Variants in KCNQ5 observed in about 807,000 individuals in gnomAD.
KCNQ5 encodes the protein potassium voltage-gated channel subfamily Q member 5, also known as potassium voltage-gated channel subfamily KQT member 5.
KCNQ5 carries 30 observed loss-of-function variants against 98.2 expected under a neutral mutation model. The observed-to-expected ratio is 0.31, with a 90% CI of 0.23 to 0.41. The LOEUF (loss-of-function observed/expected upper bound fraction) is 0.41, where lower values mean the gene tolerates loss of function less well. Ranked by LOEUF, KCNQ5 falls within the 10% of genes least tolerant of loss-of-function variation. The pLI is 1.00. For missense variants in KCNQ5, 835 were observed against 1,182.5 expected, an observed-to-expected ratio of 0.71 and a Z score of 4.31; for synonymous variants, 458 against 449.4, an observed-to-expected ratio of 1.02 and a Z score of -0.24.
At chr6:72,756,587 T>C (rs1771982666) in intron 1 of KCNQ5, among the ~76,000 whole-genome samples, 1 of 152,186 alleles carries the variant, frequency 6.6e-6, no homozygotes, top group East Asian at 1.9e-4. Context: ...AAAGGGTCTA[T>C]TTCTACATAA....
In KCNQ5 at chr6:73,161,070, G is replaced by A. The variant is rs117829803; in HGVS notation, c.1469-8676G>A. Among the ~76,000 whole-genome samples, 7 of 152,248 alleles carry A rather than the reference G, an allele frequency of 4.6e-5. No homozygotes were observed. The East Asian group carries it at 5.8e-4, about 13-fold the overall frequency. On this transcript the variant is annotated intron_variant, in intron 10 of 13. Coordinates refer to ENST00000370398, the MANE Select transcript of KCNQ5 (RefSeq NM_019842.4). Reference sequence around the variant, plus strand: ...AAATATGGACTTAACCTAAGTGCCCGTCAGTGAATGAATAAAGAAAATGTG... The same window carrying A: ...AAATATGGACTTAACCTAAGTGCCCATCAGTGAATGAATAAAGAAAATGTG...
chr6:72,988,280 A>C (rs2150307947), intron 1 of KCNQ5, among the ~76,000 whole-genome samples: 2 of 152,328 alleles, frequency 1.3e-5, no homozygotes, highest in South Asian at 4.1e-4. Context: ...TTCAGGGATA[A>C]AGTAATAAAA....
intron 1 of KCNQ5, among the ~76,000 whole-genome samples, chr6:72,694,612 A>T (rs1173874586): frequency 6.6e-6 from 1 of 152,182 alleles, no homozygotes; most frequent in East Asian, 1.9e-4. Context: ...TGCCACCCTG[A>T]CTACTTCATA....
intron 5 of KCNQ5, among the ~76,000 whole-genome samples, chr6:73,079,381 C>T (rs1773671097): frequency 1.3e-5 from 2 of 152,154 alleles, no homozygotes; most frequent in African/African-American, 4.8e-5. Flanking sequence ...GTGATTTAAA[C>T]AATGATAGGC....
intron 3 of KCNQ5, among the ~76,000 whole-genome samples, chr6:73,047,590 C>T (rs778639416): frequency 6.6e-6 from 1 of 152,050 alleles, no homozygotes; most frequent in South Asian, 2.1e-4. Context: ...AATTTATTTC[C>T]GAAGAGGAAA....
intron 11 of KCNQ5, among the ~76,000 whole-genome samples, chr6:73,178,168 CA>C (rs1236419655): frequency 6.6e-6 from 1 of 151,490 alleles, no homozygotes; most frequent in Admixed American, 6.6e-5. Flanking sequence ...CCTAGGAACA[CA>C]AAATCCCCAA....
At chr6:72,859,962 CAA>C (rs35054020) in intron 1 of KCNQ5, among the ~76,000 whole-genome samples, 2 of 137,758 alleles carry the variant, frequency 1.5e-5, no homozygotes. Context: ...TCCTATTCAC[CAA>C]AAAAAAAAAA....
chr6:72,839,836 T>C (rs1776704923), intron 1 of KCNQ5, among the ~76,000 whole-genome samples: 1 of 152,222 alleles, frequency 6.6e-6, no homozygotes. Context: ...TCTCAAAATA[T>C]ATAATACAAC....
chr6:73,008,995 A>G (rs1562124688), intron 2 of KCNQ5, among the ~76,000 whole-genome samples: 1 of 151,212 alleles, frequency 6.6e-6, no homozygotes, highest in Non-Finnish European at 1.5e-5. Context: ...CCTTTGTTTT[A>G]TTTTTTTTTC....
chr6:73,149,711 C>T (rs1777069036), intron 10 of KCNQ5, among the ~76,000 whole-genome samples: 1 of 150,372 alleles, frequency 6.7e-6, no homozygotes, highest in African/African-American at 2.5e-5. Flanking sequence ...GCGGAAGAAT[C>T]GTTTGAACCT....
chr6:73,141,519 G>T (rs2797089), intron 10 of KCNQ5, among the ~76,000 whole-genome samples: 9,905 of 152,240 alleles, frequency 0.065, 456 homozygotes, highest in African/African-American at 0.13. Context: ...ATTTCTGTCA[G>T]ATTTCTCTAG....
intron 1 of KCNQ5, among the ~76,000 whole-genome samples, chr6:72,672,420 A>G (rs73533685): frequency 0.039 from 5,973 of 152,266 alleles, 130 homozygotes; most frequent in Middle Eastern, 0.13. Context: ...TTTTATATGT[A>G]TATAAACATA....
At position 73,197,452 on chromosome 6, in the gene KCNQ5, A is replaced by G. The variant is rs1765827359; in HGVS notation, c.*2038A>G. The G allele has an allele frequency of 6.6e-6, 1 of 152,184 alleles. No individual in the cohort carries two copies. The highest frequency in any genetic ancestry group is 2.1e-4 in the South Asian group (1 of 4,826). 9.4% of individuals were successfully genotyped at this position (152,184 alleles called of 1,614,324 possible). A position where few individuals can be genotyped will look rare whatever the true frequency, so the allele number is the denominator to read the frequency against. ...AGAGGCTAAATTTTACACTTCAGTT[A>G]AGACATTGTCAATCCTTTTAAGCAA... On this transcript the variant is annotated 3_prime_UTR_variant, in exon 14 of 14. Transcript: ENST00000370398.
chr6:72,820,013 T>A (rs1323983140), intron 1 of KCNQ5, among the ~76,000 whole-genome samples: 1 of 152,198 alleles, frequency 6.6e-6, no homozygotes, highest in African/African-American at 2.4e-5. Context: ...CCCTTCCATC[T>A]GGGTATTACA....
At chr6:73,007,632 C>T (rs180859439) in intron 2 of KCNQ5, among the ~76,000 whole-genome samples, 11 of 152,318 alleles carry the variant, frequency 7.2e-5, no homozygotes, top group East Asian at 3.9e-4. Context: ...CCATCCCCTA[C>T]GCCCAGGCCC....
chr6:72,847,606 C>T (rs1192494712), intron 1 of KCNQ5, among the ~76,000 whole-genome samples: 1 of 152,194 alleles, frequency 6.6e-6, no homozygotes, highest in African/African-American at 2.4e-5. Flanking sequence ...TAGATCTCCC[C>T]AGAGCCTCTA....
intron 2 of KCNQ5, among the ~76,000 whole-genome samples, chr6:73,005,707 G>A (rs778909052): frequency 7.2e-5 from 11 of 152,206 alleles, no homozygotes; most frequent in Non-Finnish European, 1.3e-4. Flanking sequence ...GTAGATGTCA[G>A]TCTTGAATGC....
intron 1 of KCNQ5, among the ~76,000 whole-genome samples, chr6:72,877,795 G>T (rs1778476815): frequency 6.6e-6 from 1 of 152,144 alleles, no homozygotes; most frequent in African/African-American, 2.4e-5. Flanking sequence ...GTTTTGATTT[G>T]CATTTCTCTA....
At chr6:73,161,870 G>A (rs1197416351) in intron 10 of KCNQ5, among the ~76,000 whole-genome samples, 1 of 151,916 alleles carries the variant, frequency 6.6e-6, no homozygotes, top group African/African-American at 2.4e-5. Flanking sequence ...GCAATTAGCA[G>A]TTTTTCAAAA....
Sources: gnomAD v4.1 joint callset for allele counts (sites outside exome capture counted in the v4.1 genomes callset) on GRCh38, gnomAD v4.1.1 for gene constraint, MANE v1.5 for transcripts, NCBI Gene and HGNC (gene_info 2026-07-23, HGNC 2026-07-21) for gene names.